The following XPO6 variants were observed in gnomAD, a reference collection of about 807,000 sequenced individuals.
XPO6 encodes exportin 6, also known as exportin-6.
In XPO6, 3 loss-of-function variants were observed where a neutral mutation model predicts 130.0. The ratio of observed to expected loss-of-function variants is 0.02; its 90% CI spans 0.01 to 0.06. XPO6 has a LOEUF of 0.06. XPO6 is among the 10% of genes least tolerant of loss of function. The pLI is 1.00. For missense variants in XPO6, 970 were observed against 1,393.0 expected (o/e 0.70, Z 4.83); for synonymous variants, 524 against 548.9 (o/e 0.95, Z 0.63).
intron 1 of XPO6, among the ~76,000 whole-genome samples, chr16:28,206,588 CA>C (rs2044034941): frequency 6.6e-6 from 1 of 152,066 alleles, no homozygotes; most frequent in Non-Finnish European, 1.5e-5. Flanking sequence ...AAACCAATAA[CA>C]AAAACTCTGG....
chr16:28,101,797 G>A lies in XPO6; in HGVS notation c.3045+50C>T. The A allele has an allele frequency of 1.2e-6, 2 of 1,602,002 alleles. No homozygotes were observed. The highest frequency in any genetic ancestry group is 1.7e-6 in the Non-Finnish European group (2 of 1,170,996). On this transcript the variant is annotated intron_variant, in intron 22 of 23. Coordinates refer to ENST00000304658, the MANE Select transcript of XPO6 (RefSeq NM_015171.4). The surrounding 1 kb of genome is among the most constrained non-coding windows in gnomAD (Gnocchi z 5.4). ...GTGAGTAACCTGAGGGTGGGACACA[G>A]GCCACAATGCCCCTGATGGAAGAAT...
chr16:28,192,262 CAAAAA>C (rs11429447), intron 1 of XPO6, among the ~76,000 whole-genome samples: 3 of 82,444 alleles, frequency 3.6e-5, no homozygotes, highest in Non-Finnish European at 5.0e-5. Context: ...GACTCCGTCT[CAAAAA>C]AAAAAAAAAA....
At chr16:28,174,185 C>T (rs1278228387) in intron 4 of XPO6, among the ~76,000 whole-genome samples, 7 of 152,184 alleles carry the variant, frequency 4.6e-5, no homozygotes, top group African/African-American at 1.7e-4. Context: ...TCCAGGCCTA[C>T]TGGCCTGCTT....
At chr16:28,133,026 G>A (rs2042704422) in intron 11 of XPO6, among the ~76,000 whole-genome samples, 1 of 152,186 alleles carries the variant, frequency 6.6e-6, no homozygotes, top group South Asian at 2.1e-4. Flanking sequence ...AAGTATAGCT[G>A]GGTCATTCAA....
rs1186055462 is a variant in XPO6 at position 28,207,247 on chromosome 16, C to CA, written c.3+4118dup. On this transcript the variant is annotated intron_variant, in intron 1 of 23. Transcript: ENST00000304658. The stretch of plus-strand genomic sequence containing the variant: ...TGGGTGCAAAAGCAAGATGCCATCT[C>CA]AAAAAAAAAAAAGGAAAGAAAGAAA... Among the ~76,000 whole-genome samples, 146 of 114,246 alleles carry CA rather than the reference C, an allele frequency of 1.3e-3. 1 individual carries two copies. The highest frequency in any genetic ancestry group is 8.1e-3 in the South Asian group (30 of 3,698). 74.9% of individuals were successfully genotyped at this position (114,246 alleles called of 152,430 possible). A position where few individuals can be genotyped will look rare whatever the true frequency, so the allele number is the denominator to read the frequency against.
intron 1 of XPO6, among the ~76,000 whole-genome samples, chr16:28,184,754 C>T (rs2043668573): frequency 6.6e-6 from 1 of 152,068 alleles, no homozygotes; most frequent in South Asian, 2.1e-4. Flanking sequence ...ACACATCTAC[C>T]AGAAAGGCTA....
Position 28,106,927 on chromosome 16 carries a change from G to A in XPO6, c.2498-430C>T, listed in dbSNP as rs1036559856. Among the ~76,000 whole-genome samples, 1 of 152,188 alleles carries A rather than the reference G, an allele frequency of 6.6e-6. No homozygotes were observed. Among genetic ancestry groups the A allele is most frequent in the Non-Finnish European group, 1.5e-5 (1 of 68,028 alleles). ...AAGTGGTTGAAAGTGGATAATGAAGGTGTATTTAGGTTGCATGGCCCTGGT... is the reference window on the plus strand; with the variant it reads ...AAGTGGTTGAAAGTGGATAATGAAGATGTATTTAGGTTGCATGGCCCTGGT... On this transcript the variant is annotated intron_variant, in intron 18 of 23. Coordinates refer to ENST00000304658, the MANE Select transcript of XPO6 (RefSeq NM_015171.4). The surrounding 1 kb of genome is among the most constrained non-coding windows in gnomAD (Gnocchi z 4.2).
chr16:28,178,251 T>C (rs1374629368), intron 2 of XPO6, among the ~76,000 whole-genome samples: 1 of 152,074 alleles, frequency 6.6e-6, no homozygotes, highest in Non-Finnish European at 1.5e-5. Context: ...TTAAGCTAAA[T>C]GCAACGACGC....
chr16:28,109,219 T>C (rs1176368480), intron 17 of XPO6, among the ~76,000 whole-genome samples: 1 of 151,572 alleles, frequency 6.6e-6, no homozygotes, highest in Non-Finnish European at 1.5e-5. Flanking sequence ...TATAAGTATA[T>C]AATAATAGGA....
intron 15 of XPO6, among the ~76,000 whole-genome samples, chr16:28,115,913 G>C (rs1183841351): frequency 1.3e-5 from 2 of 152,194 alleles, no homozygotes; most frequent in Non-Finnish European, 2.9e-5. Context: ...ACCAACCTGT[G>C]TTAGCTTCCA....
In XPO6 at chr16:28,101,989, C is replaced by T. The variant is rs746513802; in HGVS notation, c.2947-44G>A. ...ATTTTATAAACTGCAAGACCAAGCA[C>T]TTCTGGAGCATCTACCCCATGTCAG... On this transcript the variant is annotated intron_variant, in intron 21 of 23. Transcript: ENST00000304658. This position sits in a 1 kb window ranked among gnomAD's most constrained non-coding sequence, Gnocchi z 5.4. The T allele has an allele frequency of 6.5e-7, 1 of 1,536,818 alleles. No homozygotes were observed. Among genetic ancestry groups the T allele is most frequent in the Non-Finnish European group, 9.0e-7 (1 of 1,114,822 alleles).
In XPO6 at chr16:28,146,939, CA is replaced by C. The variant is rs2042993989; in HGVS notation, c.1225-737del. On this transcript the variant is annotated intron_variant, in intron 8 of 23. Coordinates refer to ENST00000304658, the MANE Select transcript of XPO6 (RefSeq NM_015171.4). Reference sequence around the variant, plus strand: ...GACTCTATTTCATGCAAAGTCCAGGCAACACAATCTCCAACAGCTACTCCTT... The same window carrying C: ...GACTCTATTTCATGCAAAGTCCAGGCACACAATCTCCAACAGCTACTCCTT... 2.0e-5 allele frequency among the ~76,000 whole-genome samples: 3 copies of C among 152,242 alleles called. No individual in the cohort carries two copies. In the East Asian group the frequency reaches 5.8e-4, roughly 29 times the overall value.
chr16:28,141,434 G>A (rs1222146675), intron 9 of XPO6, among the ~76,000 whole-genome samples: 1 of 152,174 alleles, frequency 6.6e-6, no homozygotes. Context: ...AGCACCTACT[G>A]TCAGCCAAGG....
intron 21 of XPO6, 94 bp from the exon 22 acceptor site, chr16:28,102,039 A>G: frequency 9.5e-7 from 1 of 1,047,862 alleles, no homozygotes; most frequent in South Asian, 1.5e-5. Flanking sequence ...GGGCCAGGGT[A>G]CCCATTGTCT....
At chr16:28,160,568 T>C (rs1033222447) in intron 6 of XPO6, among the ~76,000 whole-genome samples, 1 of 151,720 alleles carries the variant, frequency 6.6e-6, no homozygotes, top group African/African-American at 2.4e-5. Flanking sequence ...TATAATCTGA[T>C]GCCATTTTTG....
intron 7 of XPO6, chr16:28,153,028 T>A: frequency 1.8e-6 from 2 of 1,122,740 alleles, no homozygotes; most frequent in Non-Finnish European, 2.2e-6. Context: ...TCTTATAATC[T>A]AGTGCGCTCA....
rs898468607 is a variant in XPO6, at chr16:28,155,856, C to T, written c.1097+218G>A. 6 of 1,240,448 alleles carry T rather than the reference C, an allele frequency of 4.8e-6. No homozygotes were observed. The African/African-American group carries it at 7.6e-5, about 16-fold the overall frequency. The allele number at this position is 1,240,448 out of a possible 1,614,324, so 76.8% of individuals were successfully genotyped here. ...ATGGGGAGAAAAGACAACAAACCTA[C>T]ACAAGGCACAAGCATTTTTCAAACT... On this transcript the variant is annotated intron_variant, in intron 7 of 23. Coordinates refer to ENST00000304658, the MANE Select transcript of XPO6 (RefSeq NM_015171.4).
intron 1 of XPO6, among the ~76,000 whole-genome samples, chr16:28,193,796 C>T (rs529994130): frequency 6.6e-6 from 1 of 152,306 alleles, no homozygotes; most frequent in South Asian, 2.1e-4. Context: ...ACCCGTCCCA[C>T]GATTCTCAAC....
In XPO6 at chr16:28,128,649, T is replaced by A. The variant is rs187936069; in HGVS notation, c.1607-2801A>T. Reference sequence around the variant, plus strand: ...AGACAATTACTAGAGAGCTTAAAAGTCGCCCTGACCAAGCCGTCCCCTCTG... The same window carrying A: ...AGACAATTACTAGAGAGCTTAAAAGACGCCCTGACCAAGCCGTCCCCTCTG... On this transcript the variant is annotated intron_variant, in intron 12 of 23. Coordinates refer to ENST00000304658, the MANE Select transcript of XPO6 (RefSeq NM_015171.4). Among the ~76,000 whole-genome samples, 805 of 152,274 alleles carry A rather than the reference T, an allele frequency of 5.3e-3. 2 individuals carry two copies. Among genetic ancestry groups the A allele is most frequent in the Non-Finnish European group, 8.2e-3 (555 of 68,008 alleles).
Sources: gnomAD v4.1 joint callset for allele counts (sites outside exome capture counted in the v4.1 genomes callset) on GRCh38, gnomAD v4.1.1 for gene constraint, Gnocchi (gnomAD v3.1) non-coding constraint, MANE v1.5 for transcripts, NCBI Gene and HGNC (gene_info 2026-07-23, HGNC 2026-07-21) for gene names.